Variants in TMEM232 observed in about 807,000 individuals in gnomAD.
TMEM232 encodes the protein transmembrane protein 232.
A neutral mutation model predicts 78.8 loss-of-function variants in TMEM232; 80 were observed. The observed-to-expected ratio is 1.01, with a 90% CI of 0.85 to 1.22. TMEM232 has a LOEUF of 1.22. Among genes scored for constraint, TMEM232 ranks in the 50% most tolerant of loss-of-function variants. The pLI, the probability that TMEM232 is intolerant of heterozygous loss-of-function variation, is 0.00. For missense variants in TMEM232, 881 were observed against 742.2 expected (o/e 1.19, Z -2.17); for synonymous variants, 297 against 254.3 (o/e 1.17, Z -1.60).
chr5:110,510,156 C>G (rs1381953131), intron 12 of TMEM232, among the ~76,000 whole-genome samples: 1 of 152,126 alleles, frequency 6.6e-6, no homozygotes, highest in Non-Finnish European at 1.5e-5. Flanking sequence ...CACATTTATT[C>G]AAATGACTCA....
In TMEM232 at chr5:110,593,744, C is replaced by T. The variant is rs565731431; in HGVS notation, c.1276+11365G>A. On this transcript the variant is annotated intron_variant, in intron 10 of 13. Coordinates refer to ENST00000455884, the MANE Select transcript of TMEM232 (RefSeq NM_001039763.4). ...AAAAAATGGAAAGAATGAATAAGTT[C>T]TGGTATTTGATGGCATGACAGAGTG... 7.2e-5 allele frequency among the ~76,000 whole-genome samples: 11 copies of T among 152,130 alleles called. No individual in the cohort carries two copies. The South Asian group carries it at 1.9e-3, about 26-fold the overall frequency.
At chr5:110,475,314 T>G (rs1763126342) in intron 12 of TMEM232, among the ~76,000 whole-genome samples, 1 of 151,952 alleles carries the variant, frequency 6.6e-6, no homozygotes, top group Non-Finnish European at 1.5e-5. Context: ...GCACTGGATA[T>G]CTATTAGGAA....
At chr5:110,728,421 T>A (rs2150369506), upstream of TMEM232, among the ~76,000 whole-genome samples, 1 of 151,866 alleles carries the variant, frequency 6.6e-6, no homozygotes, top group South Asian at 2.1e-4. Flanking sequence ...AGAAAATAAA[T>A]CTGAACTACT....
At position 110,528,570 on chromosome 5, in the gene TMEM232, G is replaced by A. The variant is rs192642615; in HGVS notation, c.1703+18C>T. On this transcript the variant is annotated intron_variant, in intron 12 of 13. Coordinates refer to ENST00000455884, the MANE Select transcript of TMEM232 (RefSeq NM_001039763.4). ...TGTAATGTATTAGAACAATAAAACCGATAGTACTTCTCTTTACCTTACAGT... is the reference window on the plus strand; with the variant it reads ...TGTAATGTATTAGAACAATAAAACCAATAGTACTTCTCTTTACCTTACAGT... The A allele has an allele frequency of 7.9e-5, 120 of 1,511,060 alleles. No homozygotes were observed. The African/African-American group carries it at 1.3e-3, about 16-fold the overall frequency. The allele number at this position is 1,511,060 out of a possible 1,614,324, so 93.6% of individuals were successfully genotyped here.
rs115030148 is a variant in TMEM232, at chr5:110,623,814, C to A, written c.768+1453G>T. ...GTCAAACTCTGTTATAATCCCCTTA[C>A]AGGATCACATAGATAAAGCTGAAAT... On this transcript the variant is annotated intron_variant, in intron 7 of 13. Transcript: ENST00000455884. Among the ~76,000 whole-genome samples the A allele has an allele frequency of 2.8e-3, 420 of 152,210 alleles. 3 individuals are homozygous for A. Among genetic ancestry groups the A allele is most frequent in the African/African-American group, 9.8e-3 (409 of 41,536 alleles).
chr5:110,696,577 C>A (rs1259494258), intron 1 of TMEM232, among the ~76,000 whole-genome samples: 1 of 152,168 alleles, frequency 6.6e-6, no homozygotes, highest in Admixed American at 6.5e-5. Context: ...CCAAAATCTC[C>A]TTAAGCTGAT....
intron 1 of TMEM232, among the ~76,000 whole-genome samples, chr5:110,722,902 CAATTTTCTAAT>C (rs1481561191): frequency 6.6e-6 from 1 of 152,098 alleles, no homozygotes; most frequent in African/African-American, 2.4e-5. Context: ...CTGTTGAATT[CAATTTTCTAAT>C]ATTTTGTTGA....
At chr5:110,631,237 C>T (rs1224462678) in intron 5 of TMEM232, among the ~76,000 whole-genome samples, 1 of 152,136 alleles carries the variant, frequency 6.6e-6, no homozygotes, top group African/African-American at 2.4e-5. Context: ...ACATGGCAGT[C>T]CCTGGGACAA....
At chr5:110,566,930 T>C (rs1776410261) in intron 11 of TMEM232, among the ~76,000 whole-genome samples, 1 of 151,880 alleles carries the variant, frequency 6.6e-6, no homozygotes, top group African/African-American at 2.4e-5. Flanking sequence ...CATTTCCACA[T>C]GGCTAGAGAG....
At chr5:110,436,664 CT>C (rs2112722656) in intron 12 of TMEM232, among the ~76,000 whole-genome samples, 1 of 152,094 alleles carries the variant, frequency 6.6e-6, no homozygotes, top group South Asian at 2.1e-4. Flanking sequence ...AAGTTTCATT[CT>C]TCTGTATATG....
chr5:110,440,758 A>C (rs781658448), intron 12 of TMEM232, among the ~76,000 whole-genome samples: 2 of 152,272 alleles, frequency 1.3e-5, no homozygotes, highest in East Asian at 3.9e-4. Context: ...CAACCTACGC[A>C]CTATCTTCTT....
At chr5:110,430,344 C>T (rs1334495760) in intron 12 of TMEM232, among the ~76,000 whole-genome samples, 1 of 150,586 alleles carries the variant, frequency 6.6e-6, no homozygotes, top group Non-Finnish European at 1.5e-5. Context: ...ATCTCCAATA[C>T]TTAGACGTTT....
At chr5:110,570,238 A>G (rs1250051807) in intron 10 of TMEM232, among the ~76,000 whole-genome samples, 1 of 151,976 alleles carries the variant, frequency 6.6e-6, no homozygotes, top group Non-Finnish European at 1.5e-5. Flanking sequence ...AGACATCACA[A>G]TATTTGAAAT....
At chr5:110,669,828 T>C (rs1024184873) in intron 1 of TMEM232, among the ~76,000 whole-genome samples, 4 of 152,274 alleles carry the variant, frequency 2.6e-5, no homozygotes, top group Middle Eastern at 3.4e-3. Context: ...TGGTTCAATA[T>C]ACGCAAATCA....
downstream of TMEM232, chr5:110,417,823 G>A (rs1300282848): frequency 6.6e-6 from 1 of 152,046 alleles, no homozygotes; most frequent in African/African-American, 2.4e-5. Context: ...AGAACAGGAA[G>A]CACATCAGGA....
chr5:110,562,653 A>G (rs1775885648), intron 11 of TMEM232, among the ~76,000 whole-genome samples: 1 of 152,068 alleles, frequency 6.6e-6, no homozygotes, highest in Admixed American at 6.6e-5. Flanking sequence ...TGGATGAGAC[A>G]ATAAAGCTTA....
At chr5:110,618,688 T>C in intron 7 of TMEM232, 126 bp from the exon 8 acceptor site, 3 of 1,018,974 alleles carry the variant, frequency 2.9e-6, no homozygotes, top group Non-Finnish European at 4.1e-6. Flanking sequence ...TCTTACACTT[T>C]ATATTTCACC....
At chr5:110,480,178 G>A (rs892592510) in intron 12 of TMEM232, among the ~76,000 whole-genome samples, 2 of 151,556 alleles carry the variant, frequency 1.3e-5, no homozygotes, top group Non-Finnish European at 3.0e-5. Flanking sequence ...CTACTTCAGT[G>A]TTACTTAAAT....
chr5:110,647,070 A>AT (rs1452221062), intron 2 of TMEM232, among the ~76,000 whole-genome samples: 1 of 151,814 alleles, frequency 6.6e-6, no homozygotes, highest in East Asian at 1.9e-4. Context: ...CATTTTATGC[A>AT]TTTTTTGCAA....
Sources: allele counts gnomAD v4.1 joint callset (sites outside exome capture counted in the v4.1 genomes callset), GRCh38; gene constraint gnomAD v4.1.1; transcripts MANE v1.5; gene names NCBI Gene and HGNC (gene_info 2026-07-23, HGNC 2026-07-21).